The following CERS6 variants were observed in gnomAD, a reference collection of about 807,000 sequenced individuals.
CERS6 encodes the protein LAG1 homolog, ceramide synthase 6.
CERS6 carries 26 observed loss-of-function variants against 56.8 expected under a neutral mutation model. The ratio of observed to expected loss-of-function variants is 0.46; its 90% CI spans 0.34 to 0.63. The LOEUF is 0.63. CERS6 is among the 30% of genes least tolerant of loss of function. The pLI, the probability that CERS6 is intolerant of heterozygous loss-of-function variation, is 0.01. For missense variants in CERS6, 415 were observed against 467.5 expected (o/e 0.89, Z 1.04); for synonymous variants, 164 against 173.3 (o/e 0.95, Z 0.42).
At chr2:168,707,512 TA>T (rs1227102079) in intron 6 of CERS6, among the ~76,000 whole-genome samples, 2 of 152,142 alleles carry the variant, frequency 1.3e-5, no homozygotes, top group Admixed American at 1.3e-4. Flanking sequence ...AGGCTATACA[TA>T]AGAAAAAAGT....
intron 6 of CERS6, among the ~76,000 whole-genome samples, chr2:168,704,417 A>G (rs1007107940): frequency 5.3e-5 from 8 of 152,008 alleles, no homozygotes; most frequent in African/African-American, 1.9e-4. Flanking sequence ...GTTTCTCTCA[A>G]GTCAATTCTA....
In CERS6 at chr2:168,772,227, T is replaced by G. The variant is rs1293154135; in HGVS notation, c.*2565T>G. 3 of 152,304 alleles carry G rather than the reference T, an allele frequency of 2.0e-5. No homozygotes were observed. The highest frequency in any genetic ancestry group is 4.4e-5 in the Non-Finnish European group (3 of 68,028). The allele number at this position is 152,304 out of a possible 1,614,324, so 9.4% of individuals were successfully genotyped here. ...AATTAACTTAGCCTGTGTTGATATC[T>G]CCTCCTTCCTGGTCACATTCAAACC... On this transcript the variant is annotated 3_prime_UTR_variant, in exon 10 of 10. Transcript: ENST00000305747.
chr2:168,689,351 A>G (rs1686439593), intron 4 of CERS6, among the ~76,000 whole-genome samples: 1 of 152,182 alleles, frequency 6.6e-6, no homozygotes, highest in Non-Finnish European at 1.5e-5. Context: ...TAAAACCTGC[A>G]TATATATGGG....
chr2:168,719,799 C>A (rs1239209563), intron 8 of CERS6, among the ~76,000 whole-genome samples: 1 of 152,116 alleles, frequency 6.6e-6, no homozygotes, highest in Non-Finnish European at 1.5e-5. Flanking sequence ...TCTAGAACAA[C>A]CCTGTCCAAA....
chr2:168,668,123 A>G (rs923102109), intron 4 of CERS6, among the ~76,000 whole-genome samples: 6 of 152,234 alleles, frequency 3.9e-5, no homozygotes. Context: ...TTTCAAATGC[A>G]GAAGAACAAG....
intron 8 of CERS6, among the ~76,000 whole-genome samples, chr2:168,735,411 T>C (rs1443153727): frequency 6.6e-6 from 1 of 152,174 alleles, no homozygotes; most frequent in Non-Finnish European, 1.5e-5. Flanking sequence ...AACAGTTTTT[T>C]TCTGGGGTAA....
chr2:168,682,704 A>G (rs1431959612), intron 4 of CERS6, among the ~76,000 whole-genome samples: 7 of 152,210 alleles, frequency 4.6e-5, no homozygotes, highest in Non-Finnish European at 7.3e-5. Flanking sequence ...GTTGGTGGAT[A>G]AATGCTGCGG....
At chr2:168,557,630 A>T (rs551377680) in intron 2 of CERS6, among the ~76,000 whole-genome samples, 5 of 152,332 alleles carry the variant, frequency 3.3e-5, no homozygotes, top group African/African-American at 1.2e-4. Flanking sequence ...ACCAATATGT[A>T]TTCCAAATGT....
chr2:168,609,230 A>G (rs751701211), intron 3 of CERS6, among the ~76,000 whole-genome samples: 3 of 152,172 alleles, frequency 2.0e-5, no homozygotes, highest in Non-Finnish European at 2.9e-5. Context: ...CTTGGGCTCA[A>G]GGGATCCTCC....
At chr2:168,604,082 G>T (rs1683995642) in intron 3 of CERS6, among the ~76,000 whole-genome samples, 1 of 152,180 alleles carries the variant, frequency 6.6e-6, no homozygotes, top group Admixed American at 6.5e-5. Context: ...AAATGTGTTT[G>T]AGGGAGTCAT....
chr2:168,658,518 GGGAGTCT>G lies in CERS6; in HGVS notation c.465+27478_465+27484del, dbSNP rs1375730691. 2.6e-5 allele frequency among the ~76,000 whole-genome samples: 4 copies of G among 152,338 alleles called. No individual in the cohort carries two copies. In the East Asian group the frequency reaches 7.7e-4, roughly 29 times the overall value. ...AAGAGGGAACTCTTTGCCAAGGCAT[GGGAGTCT>G]GCACCTAGCCAGCAAAGACCATAGT... On this transcript the variant is annotated intron_variant, in intron 4 of 9. Coordinates refer to ENST00000305747, the MANE Select transcript of CERS6 (RefSeq NM_203463.3).
chr2:168,470,776 G>A (rs894022480), intron 1 of CERS6, among the ~76,000 whole-genome samples: 4 of 152,176 alleles, frequency 2.6e-5, no homozygotes, highest in Non-Finnish European at 5.9e-5. Flanking sequence ...AGGCAGTCAA[G>A]TGGTTTTGTG....
chr2:168,463,644 A>T (rs1039571508), intron 1 of CERS6, among the ~76,000 whole-genome samples: 5 of 152,224 alleles, frequency 3.3e-5, no homozygotes, highest in African/African-American at 1.2e-4. Context: ...ACAGTGGCTC[A>T]TGCCTGTAAT....
At chr2:168,611,451 A>C (rs1053952051) in intron 3 of CERS6, among the ~76,000 whole-genome samples, 26 of 152,340 alleles carry the variant, frequency 1.7e-4, no homozygotes, top group Admixed American at 9.1e-4. Context: ...TTACATGATG[A>C]CTTTGAAGGT....
At chr2:168,678,270 G>T (rs1686116918) in intron 4 of CERS6, among the ~76,000 whole-genome samples, 1 of 152,106 alleles carries the variant, frequency 6.6e-6, no homozygotes, top group South Asian at 2.1e-4. Context: ...ATCTGCAGAT[G>T]GCCCTTCGCG....
At chr2:168,672,368 C>T (rs1685942024) in intron 4 of CERS6, among the ~76,000 whole-genome samples, 1 of 152,016 alleles carries the variant, frequency 6.6e-6, no homozygotes, top group South Asian at 2.1e-4. Context: ...TAAGTGAAAC[C>T]CCATGAGAAT....
intron 2 of CERS6, among the ~76,000 whole-genome samples, chr2:168,555,709 A>T (rs1323961129): frequency 7.3e-6 from 1 of 137,174 alleles, no homozygotes; most frequent in East Asian, 2.1e-4. Context: ...ATTCTAGGAA[A>T]GTATAATTGA....
At chr2:168,595,107 C>T (rs1683767852) in intron 3 of CERS6, among the ~76,000 whole-genome samples, 1 of 152,162 alleles carries the variant, frequency 6.6e-6, no homozygotes, top group Non-Finnish European at 1.5e-5. Flanking sequence ...TGGAGTTTAG[C>T]CCTCTGTCTT....
At chr2:168,746,952 C>T (rs1684126127) in intron 8 of CERS6, among the ~76,000 whole-genome samples, 1 of 151,132 alleles carries the variant, frequency 6.6e-6, no homozygotes, top group African/African-American at 2.4e-5. Context: ...TCCCTGGAAT[C>T]AGAAGTACCT....
Sources: gnomAD v4.1 joint callset for allele counts (sites outside exome capture counted in the v4.1 genomes callset) on GRCh38, gnomAD v4.1.1 for gene constraint, MANE v1.5 for transcripts, NCBI Gene and HGNC (gene_info 2026-07-23, HGNC 2026-07-21) for gene names.